ADAMTS18: variants seen among roughly 807,000 people sequenced by gnomAD.
ADAMTS18 encodes the protein A disintegrin and metalloproteinase with thrombospondin motifs 18.
A neutral mutation model predicts 165.9 loss-of-function variants in ADAMTS18; 157 were observed. The ratio of observed to expected loss-of-function variants is 0.95; its 90% confidence interval spans 0.83 to 1.08. The LOEUF (loss-of-function observed/expected upper bound fraction) is 1.08, where lower values mean the gene tolerates loss of function less well. Ranked by LOEUF, ADAMTS18 falls within the 50% of genes least tolerant of loss-of-function variation. The probability of loss-of-function intolerance (pLI) is 0.00; values close to 1 mark genes in which losing one functional copy is unlikely to be tolerated. For synonymous variants in ADAMTS18, 782 were observed against 578.2 expected (o/e 1.35, Z -5.06); for missense variants, 2,040 against 1,534.0 (o/e 1.33, Z -5.51).
At chr16:77,370,202 T>G (rs1170462665) in intron 3 of ADAMTS18, among the ~76,000 whole-genome samples, 1 of 152,188 alleles carries the variant, frequency 6.6e-6, no homozygotes, top group Non-Finnish European at 1.5e-5. Context: ...TTTCACCACT[T>G]CTATTCTACA....
chr16:77,373,298 C>T (rs895074392), intron 3 of ADAMTS18, among the ~76,000 whole-genome samples: 8 of 151,748 alleles, frequency 5.3e-5, no homozygotes, highest in Admixed American at 1.3e-4. Context: ...CACAGTGAAA[C>T]CCTGTCTCTA....
intron 10 of ADAMTS18, among the ~76,000 whole-genome samples, chr16:77,353,410 G>C (rs1597158963): frequency 6.6e-6 from 1 of 152,150 alleles, no homozygotes; most frequent in East Asian, 1.9e-4. Flanking sequence ...ACAGGGAATA[G>C]GATCATATAG....
At chr16:77,329,382 C>A (rs1314280783) in intron 12 of ADAMTS18, among the ~76,000 whole-genome samples, 2 of 152,122 alleles carry the variant, frequency 1.3e-5, no homozygotes, top group Admixed American at 1.3e-4. Flanking sequence ...GAATTACAAG[C>A]ATGATCCATC....
chr16:77,298,719 G>C (rs12373015), intron 17 of ADAMTS18, among the ~76,000 whole-genome samples: 1 of 152,180 alleles, frequency 6.6e-6, no homozygotes, highest in African/African-American at 2.4e-5. Context: ...TTGAGCCCCA[G>C]AGGTCGAGGC....
intron 3 of ADAMTS18, among the ~76,000 whole-genome samples, chr16:77,387,603 C>T (rs2057127246): frequency 6.6e-6 from 1 of 152,192 alleles, no homozygotes; most frequent in African/African-American, 2.4e-5. Context: ...GCTTCCACTG[C>T]CATGTCTTTC....
At chr16:77,413,066 TTC>T (rs2057485752) in intron 3 of ADAMTS18, among the ~76,000 whole-genome samples, 2 of 152,174 alleles carry the variant, frequency 1.3e-5, no homozygotes, top group African/African-American at 4.8e-5. Flanking sequence ...AACTTGTTGG[TTC>T]TGTTTCCATG....
At chr16:77,324,316 C>T (rs551192670) in intron 13 of ADAMTS18, among the ~76,000 whole-genome samples, 79 of 152,322 alleles carry the variant, frequency 5.2e-4, no homozygotes, top group African/African-American at 1.7e-3. Flanking sequence ...ACCTGCTGTG[C>T]AGCATGCTTC....
chr16:77,429,285 G>A (rs1445080686), intron 3 of ADAMTS18, among the ~76,000 whole-genome samples: 2 of 152,168 alleles, frequency 1.3e-5, no homozygotes, highest in African/African-American at 2.4e-5. Flanking sequence ...GTCTTTTGCA[G>A]GAACGTGGAT....
rs1011453043 is a variant in ADAMTS18, at chr16:77,293,126, G to A, written c.3139C>T (p.Arg1047Ter). 4.3e-6 allele frequency: 7 copies of A among 1,613,938 alleles called. No homozygotes were observed. Among genetic ancestry groups the A allele is most frequent in the Admixed American group, 1.7e-5 (1 of 59,992 alleles). ...PELQEGCVLG[R>*]CPKNSRLQWV... Reference sequence around the variant, plus strand: ...TGTAGCCGGCTGTTCTTGGGGCATCGTCCAAGCACACAGCCCTCCTGCAGC... The same window carrying A: ...TGTAGCCGGCTGTTCTTGGGGCATCATCCAAGCACACAGCCCTCCTGCAGC... The change falls in exon 20 of 23, where the codon CGA becomes TGA. Residue 1047 changes from arginine (R) to a stop codon, truncating the protein, a stop_gained. Coordinates refer to ENST00000282849, the MANE Select transcript of ADAMTS18 (RefSeq NM_199355.4). LOFTEE classifies it high-confidence loss of function.
intron 3 of ADAMTS18, among the ~76,000 whole-genome samples, chr16:77,421,311 G>A (rs1189117315): frequency 1.3e-5 from 2 of 152,206 alleles, no homozygotes; most frequent in East Asian, 1.9e-4. Context: ...CCTGTAATTG[G>A]ATAGAAAACC....
chr16:77,419,654 A>G (rs2057575685), intron 3 of ADAMTS18, among the ~76,000 whole-genome samples: 1 of 152,058 alleles, frequency 6.6e-6, no homozygotes, highest in East Asian at 1.9e-4. Context: ...CCAGAAATAG[A>G]CTGAATACTT....
intron 3 of ADAMTS18, among the ~76,000 whole-genome samples, chr16:77,391,922 G>A (rs541588381): frequency 6.6e-6 from 1 of 152,108 alleles, no homozygotes; most frequent in East Asian, 1.9e-4. Flanking sequence ...AACAGACAGA[G>A]GTGCTCTAAC....
chr16:77,297,321 G>C lies in ADAMTS18; in HGVS notation c.2769C>G (p.Pro923=). ...GGCAGGAGAAAGCGTTGCAGATTTT[G>C]GGCTCAGTTACTGGCTTGGTTTTTG... The part of the protein sequence containing the change: ...CSAKTKPVTE[P]KICNAFSCPA... Residue 923 remains proline, a synonymous_variant, in exon 18 of 23, where the codon CCC becomes CCG. Transcript: ENST00000282849. 6.2e-7 allele frequency: 1 copy of C among 1,614,120 alleles called. No individual in the cohort carries two copies. Among genetic ancestry groups the C allele is most frequent in the Non-Finnish European group, 8.5e-7 (1 of 1,180,000 alleles).
intron 3 of ADAMTS18, among the ~76,000 whole-genome samples, chr16:77,372,469 T>G (rs1198535290): frequency 6.6e-6 from 1 of 152,232 alleles, no homozygotes; most frequent in Non-Finnish European, 1.5e-5. Flanking sequence ...TAACACAGGA[T>G]AGTCATCTCA....
intron 3 of ADAMTS18, among the ~76,000 whole-genome samples, chr16:77,424,153 C>A (rs1597258139): frequency 2.0e-5 from 3 of 152,012 alleles, no homozygotes; most frequent in African/African-American, 7.3e-5. Context: ...GAGCCTGATG[C>A]CTTAGTGGTC....
At chr16:77,419,392 C>A (rs2840102) in intron 3 of ADAMTS18, among the ~76,000 whole-genome samples, 89,023 of 151,746 alleles carry the variant, frequency 0.59, 27,253 homozygotes, top group Middle Eastern at 0.73. Context: ...CTCTCTGACA[C>A]CCCCTTCTCA....
In ADAMTS18 at chr16:77,388,008, A is replaced by T. The variant is rs80037966; in HGVS notation, c.496-20285T>A. On this transcript the variant is annotated intron_variant, in intron 3 of 22. Coordinates refer to ENST00000282849, the MANE Select transcript of ADAMTS18 (RefSeq NM_199355.4). ...GCTTCCTAGGATGGCAGAGCTTTCC[A>T]CTGTTCTTTAAACCAGCTAAACCTG... Among the ~76,000 whole-genome samples, 1,022 of 152,138 alleles carry T rather than the reference A, an allele frequency of 6.7e-3. 18 individuals carry two copies. The highest frequency in any genetic ancestry group is 0.023 in the African/African-American group (964 of 41,502).
intron 3 of ADAMTS18, among the ~76,000 whole-genome samples, chr16:77,398,765 C>A (rs1409792967): frequency 1.3e-5 from 2 of 152,094 alleles, no homozygotes; most frequent in Admixed American, 6.6e-5. Flanking sequence ...CTGCTGAATA[C>A]CCCCTGGGGT....
At chr16:77,386,594 C>A (rs1277419700) in intron 3 of ADAMTS18, among the ~76,000 whole-genome samples, 1 of 152,118 alleles carries the variant, frequency 6.6e-6, no homozygotes, top group African/African-American at 2.4e-5. Context: ...CTTCTGCATC[C>A]CTCATTATAT....
Sources: gnomAD v4.1 joint callset for allele counts (sites outside exome capture counted in the v4.1 genomes callset) on GRCh38, gnomAD v4.1.1 for gene constraint, MANE v1.5 for transcripts, NCBI Gene and HGNC (gene_info 2026-07-23, HGNC 2026-07-21) for gene names.